NUP155: variants seen among roughly 807,000 people sequenced by gnomAD.
The protein encoded by NUP155 is nucleoporin 155, also known as nuclear pore complex protein Nup155.
In NUP155, 71 loss-of-function variants were observed where a neutral mutation model predicts 180.4. The ratio of observed to expected loss-of-function variants is 0.39; its 90% CI spans 0.33 to 0.48. NUP155 has a LOEUF of 0.48. Among genes scored for constraint, NUP155 ranks in the 20% least tolerant of loss-of-function variants. The pLI is 0.91. For missense variants in NUP155, 1,553 were observed against 1,648.9 expected (o/e 0.94, Z 1.01); for synonymous variants, 582 against 559.5 (o/e 1.04, Z -0.57).
chr5:37,364,049 G>T, intron 2 of NUP155, 65 bp from the exon 3 acceptor site: 2 of 1,308,698 alleles, frequency 1.5e-6, no homozygotes, highest in African/African-American at 1.5e-5. Context: ...TGTTTCAATA[G>T]CTTTTGACTT....
chr5:37,336,874 G>A (rs1359538829), intron 12 of NUP155, among the ~76,000 whole-genome samples: 1 of 152,112 alleles, frequency 6.6e-6, no homozygotes, highest in Non-Finnish European at 1.5e-5. Context: ...GTCCCATCTG[G>A]AAGGGTTCAA....
At chr5:37,309,348 G>T in intron 23 of NUP155, 81 bp from the exon 24 acceptor site, 9 of 1,132,970 alleles carry the variant, frequency 7.9e-6, no homozygotes, top group East Asian at 2.6e-5. Context: ...TTTAGTCTAT[G>T]TCTAAATTTA....
chr5:37,339,523 G>T (rs1173069487), intron 11 of NUP155, among the ~76,000 whole-genome samples: 1 of 151,982 alleles, frequency 6.6e-6, no homozygotes, highest in African/African-American at 2.4e-5. Context: ...AACTCCTCAG[G>T]AGGTTGAGCA....
At chr5:37,355,950 T>C (rs1313819535) in intron 4 of NUP155, among the ~76,000 whole-genome samples, 1 of 151,388 alleles carries the variant, frequency 6.6e-6, no homozygotes, top group Non-Finnish European at 1.5e-5. Flanking sequence ...GGCATTATGC[T>C]GGGCATGGTG....
chr5:37,292,045 C>A lies in NUP155; in HGVS notation c.4038-7G>T. ...GAGATTTGTAAATCTTCTCCTACAA[C>A]GAAAAAGACACATGATTAATTATAC... On this transcript the variant is annotated splice_region_variant and splice_polypyrimidine_tract_variant and intron_variant, in intron 34 of 34. Coordinates refer to ENST00000231498, the MANE Select transcript of NUP155 (RefSeq NM_153485.3). 6.2e-7 allele frequency: 1 copy of A among 1,613,762 alleles called. No homozygotes were observed. The highest frequency in any genetic ancestry group is 8.5e-7 in the Non-Finnish European group (1 of 1,179,750).
At chr5:37,292,701 G>A (rs925812395) in intron 34 of NUP155, among the ~76,000 whole-genome samples, 178 bp downstream of exon 34, 2 of 152,234 alleles carry the variant, frequency 1.3e-5, no homozygotes, top group Middle Eastern at 3.4e-3. Flanking sequence ...AAAGGATTTA[G>A]GACAAGGGTT....
chr5:37,303,526 A>T, intron 27 of NUP155, 112 bp from the exon 28 acceptor site: 1 of 857,874 alleles, frequency 1.2e-6, no homozygotes, highest in Middle Eastern at 3.1e-4. Context: ...TGTTTTATGA[A>T]AACAAGCAAA....
chr5:37,369,655 C>T (rs114520853), intron 1 of NUP155, among the ~76,000 whole-genome samples: 6 of 152,174 alleles, frequency 3.9e-5, no homozygotes, highest in African/African-American at 1.4e-4. Flanking sequence ...TGGTAAGTAG[C>T]TGTAGGGAGC....
intron 12 of NUP155, 116 bp downstream of exon 12, chr5:37,337,702 C>A: frequency 4.6e-6 from 3 of 645,700 alleles, no homozygotes; most frequent in Non-Finnish European, 8.3e-6. Context: ...TTTATAATTT[C>A]TAATAATACG....
In NUP155 at chr5:37,337,814, T is replaced by C. The variant is rs768752772; in HGVS notation, c.1347+4A>G. On this transcript the variant is annotated splice_donor_region_variant and intron_variant, in intron 12 of 34. Transcript: ENST00000231498. ...GTTTTTTCAGAATTGTCAGGATAAC[T>C]TACCTGGGTTTCCATCATTGGCTTT... 7 of 1,570,922 alleles carry C rather than the reference T, an allele frequency of 4.5e-6. No homozygotes were observed. The highest frequency in any genetic ancestry group is 6.1e-6 in the Non-Finnish European group (7 of 1,141,090).
intron 19 of NUP155, among the ~76,000 whole-genome samples, chr5:37,325,492 G>A (rs906288924): frequency 7.9e-5 from 12 of 152,062 alleles, no homozygotes; most frequent in Non-Finnish European, 1.5e-4. Context: ...AACCCGCCAG[G>A]CGCTGAGGCC....
At chr5:37,326,048 T>C (rs1229890117) in intron 18 of NUP155, 81 bp from the exon 19 acceptor site, 29 of 991,010 alleles carry the variant, frequency 2.9e-5, no homozygotes, top group Non-Finnish European at 3.8e-5. Flanking sequence ...AGGAACTTAA[T>C]GGCTTTATTC....
chr5:37,365,707 C>CG lies in NUP155; in HGVS notation c.158-1324dup, dbSNP rs35648915. Among the ~76,000 whole-genome samples, 80 of 14,218 alleles carry CG rather than the reference C, an allele frequency of 5.6e-3. 24 individuals carry two copies. The highest frequency in any genetic ancestry group is 0.023 in the South Asian group (3 of 130). The allele number at this position is 14,218 out of a possible 152,430, so 9.3% of individuals were successfully genotyped here. ...AGGGTGACAGAGCAAGACTCTGTCT[C>CG]GGGGAGAAAAAAAAAAAAAAAAAAA... On this transcript the variant is annotated intron_variant, in intron 1 of 34. Transcript: ENST00000231498.
At chr5:37,295,018 G>T (rs1742446712) in intron 32 of NUP155, among the ~76,000 whole-genome samples, 1 of 152,044 alleles carries the variant, frequency 6.6e-6, no homozygotes, top group African/African-American at 2.4e-5. Context: ...TTTAGTAACA[G>T]TATTTAAAAA....
chr5:37,316,826 A>T (rs1047753676), intron 21 of NUP155, among the ~76,000 whole-genome samples: 9 of 151,044 alleles, frequency 6.0e-5, no homozygotes, highest in Non-Finnish European at 1.3e-4. Context: ...TAATGGGTAC[A>T]TAAAATGAAT....
chr5:37,333,353 C>CAA, intron 13 of NUP155, 110 bp downstream of exon 13: 16 of 903,036 alleles, frequency 1.8e-5, no homozygotes, highest in East Asian at 2.9e-5. Flanking sequence ...GACTCCGTCT[C>CAA]AAAAAAAAAA....
chr5:37,306,045 G>C (rs1174358902), intron 25 of NUP155, among the ~76,000 whole-genome samples: 1 of 151,952 alleles, frequency 6.6e-6, no homozygotes, highest in African/African-American at 2.4e-5. Flanking sequence ...ATAAGTTTGA[G>C]AAGTGTTTGG....
intron 9 of NUP155, among the ~76,000 whole-genome samples, chr5:37,344,871 CAA>C (rs34103075): frequency 2.7e-4 from 20 of 75,198 alleles, no homozygotes; most frequent in Admixed American, 4.5e-4. Context: ...GACTCCATCT[CAA>C]AAAAAAAAAA....
At position 37,301,459 on chromosome 5, in the gene NUP155, G is replaced by C; in HGVS notation, c.3539C>G (p.Ser1180Cys). 6.2e-7 allele frequency: 1 copy of C among 1,609,702 alleles called. No individual in the cohort carries two copies. The highest frequency in any genetic ancestry group is 1.1e-5 in the South Asian group (1 of 90,994). Reference sequence around the variant, plus strand: ...TACCTTAGTTATGTCCATCAGCTCAGAATCCAGCTGAGAAACTGCATCCTG... The same window carrying C: ...TACCTTAGTTATGTCCATCAGCTCACAATCCAGCTGAGAAACTGCATCCTG... ...SVQDAVSQLD[S>C]ELMDITKLYG... The change falls in exon 30 of 35, where the codon TCT becomes TGT. Residue 1180 changes from serine to cysteine, a missense_variant. Transcript: ENST00000231498.
Sources: gnomAD v4.1 joint callset for allele counts (sites outside exome capture counted in the v4.1 genomes callset) on GRCh38, gnomAD v4.1.1 for gene constraint, MANE v1.5 for transcripts, NCBI Gene and HGNC (gene_info 2026-07-23, HGNC 2026-07-21) for gene names.